The following MYH1 variants were observed in gnomAD, a reference collection of about 807,000 sequenced individuals.
The protein encoded by MYH1 is myosin heavy chain 1.
MYH1 carries 214 observed loss-of-function variants against 225.6 expected under a neutral mutation model. That is an observed-to-expected ratio of 0.95 (90% CI 0.85 to 1.06). The LOEUF (loss-of-function observed/expected upper bound fraction) is 1.06. Ranked by LOEUF, MYH1 falls within the 50% of genes least tolerant of loss-of-function variation. The pLI, the probability that MYH1 is intolerant of heterozygous loss-of-function variation, is 0.00. For synonymous variants in MYH1, 774 were observed against 842.3 expected, an observed-to-expected ratio of 0.92 and a Z score of 1.40; for missense variants, 2,098 against 2,344.2, an observed-to-expected ratio of 0.89 and a Z score of 2.17.
intron 14 of MYH1, 58 bp downstream of exon 14, chr17:10,511,781 T>A: frequency 6.2e-7 from 1 of 1,612,910 alleles, no homozygotes; most frequent in African/African-American, 1.3e-5. Flanking sequence ...GCTATATGAC[T>A]GCAGCAACAA....
intron 39 of MYH1, 145 bp from the exon 40 acceptor site, chr17:10,492,713 T>A (rs200482209): frequency 3.3e-6 from 3 of 895,674 alleles, no homozygotes; most frequent in Non-Finnish European, 4.7e-6. Flanking sequence ...CTTGAATTTT[T>A]ATTTTTTTTT....
Position 10,492,433 on chromosome 17 carries a change from T to C in MYH1, c.5803A>G (p.Ile1935Val), listed in dbSNP as rs770151980. The C allele has an allele frequency of 6.2e-7, 1 of 1,613,862 alleles. No homozygotes were observed. Among genetic ancestry groups the C allele is most frequent in the East Asian group, 2.2e-5 (1 of 44,868 alleles). The change falls in exon 40 of 40, where the codon ATC (isoleucine) becomes GTC (valine). Residue 1935 changes from isoleucine to valine, a missense_variant. By Grantham distance (29) the Ile-to-Val change is conservative. Coordinates refer to ENST00000226207, the MANE Select transcript of MYH1 (RefSeq NM_005963.4). ...TAGATAAATTACTCTTCACTTATGA[T>C]TTTTGTGTGAACCTCCCTGCTCTTC... Reference protein sequence around the residue: ...RVKSREVHTKIISEE With the variant: ...RVKSREVHTKVISEE
In MYH1 at chr17:10,511,878, G is replaced by A. The variant is rs2073172777; in HGVS notation, c.1377C>T (p.Phe459=). ...QLDTKQPRQY[F]IGVLDIAGFE... Reference sequence around the variant, plus strand: ...AGCCAGCAATGTCCAAGACCCCAATGAAGTACTGCCTGGGCTGCTTGGTGT... The same window carrying A: ...AGCCAGCAATGTCCAAGACCCCAATAAAGTACTGCCTGGGCTGCTTGGTGT... The change falls in exon 14 of 40, where the codon TTC becomes TTT. Residue 459 remains phenylalanine, a synonymous_variant. Transcript: ENST00000226207. 1.9e-6 allele frequency: 3 copies of A among 1,614,220 alleles called. No individual in the cohort carries two copies. Among genetic ancestry groups the A allele is most frequent in the Non-Finnish European group, 2.5e-6 (3 of 1,180,032 alleles).
chr17:10,494,841 T>C, intron 37 of MYH1, 90 bp downstream of exon 37: 4 of 1,608,856 alleles, frequency 2.5e-6, no homozygotes, highest in Non-Finnish European at 3.4e-6. Context: ...CTCATCTCAG[T>C]ATGCCCCACA....
At chr17:10,503,407 C>T (rs1029112288) in intron 22 of MYH1, among the ~76,000 whole-genome samples, 159 bp from the exon 23 acceptor site, 10 of 151,588 alleles carry the variant, frequency 6.6e-5, no homozygotes, top group Non-Finnish European at 8.8e-5. Flanking sequence ...CTTATGAGTC[C>T]GGTAATAAAA....
In MYH1 at chr17:10,496,394, T is replaced by C. The variant is rs61730798; in HGVS notation, c.4812A>G (p.Thr1604=). Residue 1604 remains threonine (T), a synonymous_variant, in exon 34 of 40, where the codon ACA becomes ACG. Coordinates refer to ENST00000226207, the MANE Select transcript of MYH1 (RefSeq NM_005963.4). ...TCCTGCTCCTGATCTCAGCATCCAG[T>C]GTGCTCTGCATGGACTCCACGATTC... ...HIRIVESMQS[T]LDAEIRSRND... 4.8e-5 allele frequency: 78 copies of C among 1,613,996 alleles called. 1 individual carries two copies. In the African/African-American group the frequency reaches 7.5e-4, roughly 15 times the overall value.
chr17:10,517,690 T>TTG (rs910388868), intron 2 of MYH1, among the ~76,000 whole-genome samples: 25 of 152,092 alleles, frequency 1.6e-4, no homozygotes, highest in Non-Finnish European at 3.4e-4. Flanking sequence ...ATGTTTCGTA[T>TTG]TGTGTGTGTG....
At position 10,512,723 on chromosome 17, in the gene MYH1, T is replaced by C. The variant is rs757164296; in HGVS notation, c.966A>G (p.Thr322=). The C allele has an allele frequency of 5.6e-6, 9 of 1,614,172 alleles. No individual in the cohort carries two copies. The highest frequency in any genetic ancestry group is 5.0e-5 in the Admixed American group (3 of 60,022). Residue 322 remains threonine (T), a synonymous_variant, in exon 11 of 40, where the codon ACA becomes ACG. Transcript: ENST00000226207. ...DYAFVSQGEI[T]VPSIDDQEEL... ...CTTCTTGGTCATCAATGCTGGGCAC[T>C]GTGATCTCCCCTTGACTGACGAAGG...
At position 10,517,372 on chromosome 17, in the gene MYH1, C is replaced by G. The variant is rs558409702; in HGVS notation, c.-40-690G>C. Among the ~76,000 whole-genome samples, 4 of 152,226 alleles carry G rather than the reference C, an allele frequency of 2.6e-5. No homozygotes were observed. The East Asian group carries it at 7.7e-4, about 29-fold the overall frequency. On this transcript the variant is annotated intron_variant, in intron 2 of 39. Coordinates refer to ENST00000226207, the MANE Select transcript of MYH1 (RefSeq NM_005963.4). ...GTCTCTGTATAATAATTTTGACAAA[C>G]TCAACTTCTTCACTGATCTTTAGCA...
chr17:10,510,329 A>T (rs561958471), intron 14 of MYH1, among the ~76,000 whole-genome samples: 10 of 152,210 alleles, frequency 6.6e-5, no homozygotes, highest in Admixed American at 6.5e-4. Context: ...TTTACTCTAC[A>T]GTAGACACTA....
Position 10,513,642 on chromosome 17 carries a change from A to G in MYH1, c.789T>C (p.Ser263=). The change falls in exon 9 of 40, where the codon TCT becomes TCC. Residue 263 remains serine, a synonymous_variant. Transcript: ENST00000226207. ...GTTACTCACATGTTTCAATATCAGC[A>G]GAAGCCAGTTTCCCTGTGGTACCGA... ...IHFGTTGKLA[S]ADIETYLLEK... 6.2e-7 allele frequency: 1 copy of G among 1,614,138 alleles called. No homozygotes were observed. The highest frequency in any genetic ancestry group is 8.5e-7 in the Non-Finnish European group (1 of 1,179,954).
chr17:10,497,677 G>C, intron 31 of MYH1, 57 bp downstream of exon 31: 2 of 1,599,182 alleles, frequency 1.3e-6, no homozygotes, highest in Non-Finnish European at 1.7e-6. Flanking sequence ...CACACTGAAG[G>C]TAGCAGGCTA....
At chr17:10,508,241 AC>A in intron 16 of MYH1, 121 bp downstream of exon 16, 1 of 1,146,686 alleles carries the variant, frequency 8.7e-7, no homozygotes, top group South Asian at 1.6e-5. Flanking sequence ...CTGGTCTTGA[AC>A]TCCTGACCTC....
At chr17:10,504,396 T>C (rs542810616) in intron 22 of MYH1, among the ~76,000 whole-genome samples, 3 of 152,252 alleles carry the variant, frequency 2.0e-5, no homozygotes, top group Non-Finnish European at 4.4e-5. Flanking sequence ...ACAAAGTTGC[T>C]CGGGGATTGT....
At position 10,504,934 on chromosome 17, in the gene MYH1, A is replaced by C; in HGVS notation, c.2567T>G (p.Met856Arg). 6.2e-7 allele frequency: 1 copy of C among 1,613,756 alleles called. No homozygotes were observed. Among genetic ancestry groups the C allele is most frequent in the Non-Finnish European group, 8.5e-7 (1 of 1,179,974 alleles). The change falls in exon 22 of 40, where the codon ATG becomes AGG. Residue 856 changes from methionine to arginine, a missense_variant. Coordinates refer to ENST00000226207, the MANE Select transcript of MYH1 (RefSeq NM_005963.4). ...SAETEKEMANMKEEFEKTKEE... is the reference protein window; with the variant it reads ...SAETEKEMANRKEEFEKTKEE... ...TTTGGTTTTCTCAAATTCTTCCTTC[A>C]TGTTGGCCATCTCCTTCTCTGTCTC...
At position 10,505,181 on chromosome 17, in the gene MYH1, T is replaced by G. The variant is rs1469465697; in HGVS notation, c.2417A>C (p.Gln806Pro). 4.3e-6 allele frequency: 7 copies of G among 1,614,200 alleles called. No individual in the cohort carries two copies. The highest frequency in any genetic ancestry group is 5.9e-6 in the Non-Finnish European group (7 of 1,180,036). Residue 806 changes from glutamine (Q) to proline (P), a missense_variant, in exon 21 of 40, where the codon CAG (glutamine) becomes CCG (proline). Physicochemically the swap from Gln to Pro is moderately conservative, Grantham distance 76. Coordinates refer to ENST00000226207, the MANE Select transcript of MYH1 (RefSeq NM_005963.4). Reference sequence around the variant, plus strand: ...TTAATACCTTCTTTCCACCATTTTCTGGTACTCCACTCTTGCCAAGAACCC... The same window carrying G: ...TTAATACCTTCTTTCCACCATTTTCGGGTACTCCACTCTTGCCAAGAACCC... ...CRGFLARVEY[Q>P]KMVERRESIF...
intron 30 of MYH1, among the ~76,000 whole-genome samples, chr17:10,498,154 G>A (rs2073015578): frequency 6.6e-6 from 1 of 152,218 alleles, no homozygotes; most frequent in Non-Finnish European, 1.5e-5. Flanking sequence ...TCCATGACAA[G>A]CATGAGCTAA....
rs773490441 is a variant in MYH1, at chr17:10,512,672, A to G, written c.1008+9T>C. The G allele has an allele frequency of 2.5e-6, 4 of 1,613,426 alleles. No homozygotes were observed. The East Asian group carries it at 8.9e-5, about 36-fold the overall frequency. ...ATGGATTTTAAATTAAAATTCATGTATAACTTACATCTGTAGCCATCAACT... is the reference window on the plus strand; with the variant it reads ...ATGGATTTTAAATTAAAATTCATGTGTAACTTACATCTGTAGCCATCAACT... On this transcript the variant is annotated intron_variant, in intron 11 of 39. Transcript: ENST00000226207.
intron 17 of MYH1, among the ~76,000 whole-genome samples, chr17:10,507,147 T>C (rs2073120897): frequency 6.6e-6 from 1 of 152,100 alleles, no homozygotes; most frequent in Non-Finnish European, 1.5e-5. Context: ...CATGGCAACC[T>C]CTGCCTCCTG....
Sources: allele counts gnomAD v4.1 joint callset (sites outside exome capture counted in the v4.1 genomes callset), GRCh38; gene constraint gnomAD v4.1.1; transcripts MANE v1.5; gene names NCBI Gene and HGNC (gene_info 2026-07-23, HGNC 2026-07-21).